Variants in TYW3 observed in about 807,000 individuals in gnomAD.
TYW3 encodes tRNA wybutosine-synthesizing protein 3 homolog.
A neutral mutation model predicts 23.1 loss-of-function variants in TYW3; 26 were observed. The observed-to-expected ratio is 1.13, with a 90% CI of 0.83 to 1.56. The LOEUF (loss-of-function observed/expected upper bound fraction) is 1.56, where lower values mean the gene tolerates loss of function less well. TYW3 is among the 40% of genes most tolerant of loss of function. The probability of loss-of-function intolerance (pLI) is 0.00; values close to 1 mark genes in which losing one functional copy is unlikely to be tolerated. For synonymous variants in TYW3, 102 were observed against 105.7 expected (o/e 0.97, Z 0.21); for missense variants, 316 against 311.9 (o/e 1.01, Z -0.10).
At position 74,733,296 on chromosome 1, in the gene TYW3, G is replaced by A; in HGVS notation, c.52G>A (p.Ala18Thr). 1 of 1,614,214 alleles carries A rather than the reference G, an allele frequency of 6.2e-7. No homozygotes were observed. The highest frequency in any genetic ancestry group is 8.5e-7 in the Non-Finnish European group (1 of 1,180,040). ...RKWKAQCLSK[A>T]DLSRKGSVDE... ...ATGGAAGGCGCAATGTTTGAGCAAA[G>A]CGGACCTCAGCCGGAAGGGCAGTGT... is the stretch of plus-strand genomic sequence containing the variant. The change falls in exon 1 of 6, where the codon GCG (alanine) becomes ACG (threonine). Residue 18 changes from alanine to threonine, a missense_variant. Coordinates refer to ENST00000370867, the MANE Select transcript of TYW3 (RefSeq NM_138467.3).
rs535092173 is a variant in TYW3, at chr1:74,734,485, A to G, written c.174+1067A>G. On this transcript the variant is annotated intron_variant, in intron 1 of 5. Transcript: ENST00000370867. The stretch of plus-strand genomic sequence containing the variant: ...TGCTTTTTTGAAGTGAAAAGGTGAA[A>G]GTTCTTAAGGAAAGACTTAAGGAAA... Among the ~76,000 whole-genome samples the G allele has an allele frequency of 4.2e-3, 638 of 152,334 alleles. 4 individuals carry two copies. The highest frequency in any genetic ancestry group is 7.0e-3 in the Non-Finnish European group (474 of 68,030).
chr1:74,741,534 G>A (rs1335440977), intron 3 of TYW3, among the ~76,000 whole-genome samples: 1 of 152,226 alleles, frequency 6.6e-6, no homozygotes, highest in African/African-American at 2.4e-5. Flanking sequence ...TCTATAGATG[G>A]GGAGGTAGAG....
At chr1:74,747,898 C>T (rs1485425011) in intron 3 of TYW3, among the ~76,000 whole-genome samples, 1 of 150,002 alleles carries the variant, frequency 6.7e-6, no homozygotes, top group African/African-American at 2.5e-5. Context: ...CACATATACA[C>T]ACATATATAC....
intron 3 of TYW3, among the ~76,000 whole-genome samples, chr1:74,740,315 T>G (rs1288695947): frequency 5.3e-5 from 8 of 152,162 alleles, no homozygotes; most frequent in Non-Finnish European, 1.2e-4. Flanking sequence ...TCTTGCTGAT[T>G]TCAGAAATGA....
intron 5 of TYW3, 64 bp from the exon 6 acceptor site, chr1:74,763,830 G>C (rs1649207187): frequency 4.0e-6 from 5 of 1,255,666 alleles, no homozygotes; most frequent in Admixed American, 2.4e-5. Flanking sequence ...ATAAGCTCTT[G>C]GTGTATTTCA....
intron 5 of TYW3, among the ~76,000 whole-genome samples, chr1:74,752,996 G>A (rs1053829372): frequency 6.6e-5 from 10 of 152,058 alleles, no homozygotes; most frequent in Non-Finnish European, 8.8e-5. Flanking sequence ...GTTCTTCATC[G>A]TTACCTCCTG....
chr1:74,757,216 G>A (rs1390209108), intron 5 of TYW3, among the ~76,000 whole-genome samples: 1 of 152,194 alleles, frequency 6.6e-6, no homozygotes, highest in Non-Finnish European at 1.5e-5. Context: ...GTGGAGCTGT[G>A]AGAAGCGGGC....
Position 74,764,907 on chromosome 1 carries a change from A to AC in TYW3, c.*795dup, listed in dbSNP as rs1244917075. On this transcript the variant is annotated 3_prime_UTR_variant, in exon 6 of 6. Transcript: ENST00000370867. ...TGGGGAATAGTCCAGAAAGGCTGAA[A>AC]CACAGCATGTGATGCGAGTCAAGGT... 2 of 152,220 alleles carry AC rather than the reference A, an allele frequency of 1.3e-5. No individual in the cohort carries two copies. The highest frequency in any genetic ancestry group is 2.9e-5 in the Non-Finnish European group (2 of 68,060). 9.4% of individuals were successfully genotyped at this position (152,220 alleles called of 1,614,324 possible). A position where few individuals can be genotyped will look rare whatever the true frequency, so the allele number is the denominator to read the frequency against.
At chr1:74,763,653 G>C (rs1649201734) in intron 5 of TYW3, among the ~76,000 whole-genome samples, 1 of 151,824 alleles carries the variant, frequency 6.6e-6, no homozygotes, top group South Asian at 2.1e-4. Flanking sequence ...CCCTACATTT[G>C]GGTTGGAAAG....
intron 5 of TYW3, among the ~76,000 whole-genome samples, chr1:74,759,295 G>C (rs1649056540): frequency 6.6e-6 from 1 of 152,042 alleles, no homozygotes; most frequent in African/African-American, 2.4e-5. Context: ...ACACAGAGAA[G>C]GAGGACTAAA....
intron 5 of TYW3, among the ~76,000 whole-genome samples, chr1:74,754,242 T>G (rs1165186391): frequency 6.6e-6 from 1 of 152,212 alleles, no homozygotes; most frequent in East Asian, 1.9e-4. Flanking sequence ...ACTGTACACC[T>G]GGTGAAGTTA....
chr1:74,759,157 T>C (rs1051479379), intron 5 of TYW3, among the ~76,000 whole-genome samples: 1 of 152,128 alleles, frequency 6.6e-6, no homozygotes, highest in African/African-American at 2.4e-5. Context: ...GGTTTAGAGA[T>C]GGGGTGAGTA....
intron 5 of TYW3, among the ~76,000 whole-genome samples, chr1:74,760,820 C>T (rs1649114675): frequency 6.6e-6 from 1 of 152,236 alleles, no homozygotes; most frequent in Non-Finnish European, 1.5e-5. Context: ...AATTGTGCCT[C>T]AGTTTCCTCA....
At chr1:74,745,411 T>C (rs1171163430) in intron 3 of TYW3, among the ~76,000 whole-genome samples, 1 of 152,028 alleles carries the variant, frequency 6.6e-6, no homozygotes, top group Non-Finnish European at 1.5e-5. Flanking sequence ...GATTGGCCCA[T>C]TTTACAGAGT....
At chr1:74,738,920 C>T (rs374951745) in intron 3 of TYW3, 132 bp downstream of exon 3, 4 of 468,752 alleles carry the variant, frequency 8.5e-6, no homozygotes, top group Admixed American at 4.1e-5. Flanking sequence ...ATTTATTGGT[C>T]TGCTCAATCT....
intron 3 of TYW3, among the ~76,000 whole-genome samples, chr1:74,747,892 T>TA (rs1408136150): frequency 2.7e-5 from 4 of 150,166 alleles, no homozygotes; most frequent in Non-Finnish European, 5.9e-5. Flanking sequence ...CATATACACA[T>TA]ATACACACAT....
At position 74,766,062 on chromosome 1, in the gene TYW3, A is replaced by G. The variant is rs1233061297; in HGVS notation, c.*1949A>G. 1.3e-5 allele frequency: 2 copies of G among 152,150 alleles called. No homozygotes were observed. The highest frequency in any genetic ancestry group is 4.8e-5 in the African/African-American group (2 of 41,448). The allele number at this position is 152,150 out of a possible 1,614,324, so 9.4% of individuals were successfully genotyped here. A position where few individuals can be genotyped will look rare whatever the true frequency, so the allele number is the denominator to read the frequency against. The stretch of plus-strand genomic sequence containing the variant: ...TACGATATGGTGGCCCCATAAGATT[A>G]TAATGGACCTGAAAAATTCCTATTG... On this transcript the variant is annotated 3_prime_UTR_variant, in exon 6 of 6. Coordinates refer to ENST00000370867, the MANE Select transcript of TYW3 (RefSeq NM_138467.3).
At chr1:74,753,245 G>A (rs1448860840) in intron 5 of TYW3, among the ~76,000 whole-genome samples, 1 of 152,068 alleles carries the variant, frequency 6.6e-6, no homozygotes, top group Non-Finnish European at 1.5e-5. Context: ...ATCGCTGTCT[G>A]AATATCTCTT....
At chr1:74,746,954 T>C (rs569875622) in intron 3 of TYW3, among the ~76,000 whole-genome samples, 3 of 152,112 alleles carry the variant, frequency 2.0e-5, no homozygotes, top group South Asian at 2.1e-4. Context: ...AATAAAGAAG[T>C]TGATGCAGGA....
Sources: allele counts gnomAD v4.1 joint callset (sites outside exome capture counted in the v4.1 genomes callset), GRCh38; gene constraint gnomAD v4.1.1; transcripts MANE v1.5; gene names NCBI Gene and HGNC (gene_info 2026-07-23, HGNC 2026-07-21).